NPAS2: variants seen among roughly 807,000 people sequenced by gnomAD.
NPAS2 encodes neuronal PAS domain protein 2.
In NPAS2, 23 loss-of-function variants were observed where a neutral mutation model predicts 107.5. The observed-to-expected ratio is 0.21, with a 90% confidence interval of 0.15 to 0.30. The LOEUF (loss-of-function observed/expected upper bound fraction) is 0.30. Among genes scored for constraint, NPAS2 ranks in the 10% least tolerant of loss-of-function variants. NPAS2 has a pLI of 1.00. For synonymous variants in NPAS2, 403 were observed against 417.5 expected, an observed-to-expected ratio of 0.97 and a Z score of 0.42; for missense variants, 756 against 1,043.3, an observed-to-expected ratio of 0.72 and a Z score of 3.79.
rs1678040199 is a variant in NPAS2 at position 100,990,377 on chromosome 2, C to T, written c.1949C>T (p.Pro650Leu). The T allele has an allele frequency of 1.9e-6, 3 of 1,614,242 alleles. No individual in the cohort carries two copies. The highest frequency in any genetic ancestry group is 2.5e-6 in the Non-Finnish European group (3 of 1,180,048). ...CCGCCAAGTCTGAATCTGACCACAC[C>T]TGCTTCCACCTCCCAGGATGCCAGC... ...ALPPSLNLTT[P>L]ASTSQDASQC... The change falls in exon 18 of 21, where the codon CCT (proline) becomes CTT (leucine). Residue 650 changes from proline to leucine, a missense_variant. Coordinates refer to ENST00000335681, the MANE Select transcript of NPAS2 (RefSeq NM_002518.4).
intron 1 of NPAS2, among the ~76,000 whole-genome samples, chr2:100,851,743 C>T (rs1421544833): frequency 6.6e-6 from 1 of 152,166 alleles, no homozygotes; most frequent in Non-Finnish European, 1.5e-5. Context: ...TGGTCCCATG[C>T]CCAGGAATGA....
At position 100,919,348 on chromosome 2, in the gene NPAS2, C is replaced by T. The variant is rs187865096; in HGVS notation, c.33-5798C>T. Among the ~76,000 whole-genome samples, 22 of 152,226 alleles carry T rather than the reference C, an allele frequency of 1.4e-4. No individual in the cohort carries two copies. The Middle Eastern group carries it at 0.01, about 71-fold the overall frequency. ...CCGTGTCCCCGAAGAAAAAGTCAGG[C>T]TCACTGTGTGTTAATTTTAAGGGGA... On this transcript the variant is annotated intron_variant, in intron 2 of 20. Transcript: ENST00000335681.
chr2:100,892,434 C>G (rs575722704), intron 1 of NPAS2, among the ~76,000 whole-genome samples: 2 of 152,086 alleles, frequency 1.3e-5, no homozygotes, highest in South Asian at 4.2e-4. Flanking sequence ...TTTTTAGACA[C>G]TCATGGTAGC....
At chr2:100,850,807 G>T (rs1191986406) in intron 1 of NPAS2, among the ~76,000 whole-genome samples, 3 of 151,842 alleles carry the variant, frequency 2.0e-5, no homozygotes, top group Admixed American at 6.6e-5. Context: ...ACAAAAATTA[G>T]CCAGGCATGG....
chr2:100,834,346 C>T (rs1676928652), intron 1 of NPAS2, among the ~76,000 whole-genome samples: 1 of 152,232 alleles, frequency 6.6e-6, no homozygotes, highest in South Asian at 2.1e-4. Flanking sequence ...TCTCCACAAT[C>T]TGCTCTCTGC....
At chr2:100,896,764 G>A (rs1277840907) in intron 1 of NPAS2, among the ~76,000 whole-genome samples, 2 of 152,146 alleles carry the variant, frequency 1.3e-5, no homozygotes, top group Non-Finnish European at 2.9e-5. Flanking sequence ...TGAATGTCAG[G>A]TAGTGGCACA....
chr2:100,979,502 A>ATATATATTTT (rs1403246843), intron 15 of NPAS2, among the ~76,000 whole-genome samples: 3 of 43,332 alleles, frequency 6.9e-5, no homozygotes, highest in Admixed American at 3.0e-4. Flanking sequence ...ATATATATAT[A>ATATATATTTT]TTTTTTTTTT....
chr2:100,838,061 T>C (rs1309199437), intron 1 of NPAS2, among the ~76,000 whole-genome samples: 1 of 152,158 alleles, frequency 6.6e-6, no homozygotes, highest in African/African-American at 2.4e-5. Context: ...TTTCTTGCCC[T>C]ACCTGTCTTT....
chr2:100,910,022 C>CT (rs1206595965), intron 2 of NPAS2, among the ~76,000 whole-genome samples: 1 of 152,110 alleles, frequency 6.6e-6, no homozygotes, highest in Non-Finnish European at 1.5e-5. Flanking sequence ...AGCGTGGTGT[C>CT]TGGCAGGCTT....
At chr2:100,886,539 T>C (rs151002060) in intron 1 of NPAS2, among the ~76,000 whole-genome samples, 1 of 152,336 alleles carries the variant, frequency 6.6e-6, no homozygotes, top group Non-Finnish European at 1.5e-5. Flanking sequence ...TTGAGTTTTA[T>C]GCTGTCCCAC....
intron 5 of NPAS2, among the ~76,000 whole-genome samples, chr2:100,938,541 T>TCCTCCCTCCCTCCCTCCCTC (rs1267256959): frequency 8.3e-5 from 4 of 48,128 alleles, no homozygotes; most frequent in Non-Finnish European, 1.5e-4. Flanking sequence ...TCTTATTCCC[T>TCCTCCCTCCCTCCCTCCCTC]CCTCCCTCCC....
chr2:100,902,177 C>G (rs1055860689), intron 1 of NPAS2, among the ~76,000 whole-genome samples: 2 of 152,170 alleles, frequency 1.3e-5, no homozygotes, highest in African/African-American at 4.8e-5. Flanking sequence ...AACCTGACCT[C>G]AGAGGACTGC....
At chr2:100,995,099 T>C in intron 20 of NPAS2, 1 of 383,440 alleles carries the variant, frequency 2.6e-6, no homozygotes, top group African/African-American at 2.0e-5. Context: ...ATGTAGATCA[T>C]GTGCACGTGT....
At chr2:100,984,015 T>C (rs1228528346) in intron 16 of NPAS2, 2 of 152,248 alleles carry the variant, frequency 1.3e-5, no homozygotes, top group African/African-American at 4.8e-5. Context: ...GGTTATCGCT[T>C]TCACTCCTGT....
chr2:100,888,878 G>A (rs1377940881), intron 1 of NPAS2, among the ~76,000 whole-genome samples: 1 of 152,134 alleles, frequency 6.6e-6, no homozygotes, highest in Non-Finnish European at 1.5e-5. Context: ...GAGGAATCGG[G>A]CCAGTGGGTG....
chr2:100,920,705 A>G (rs1683167355), intron 2 of NPAS2, among the ~76,000 whole-genome samples: 2 of 152,208 alleles, frequency 1.3e-5, no homozygotes, highest in Admixed American at 6.5e-5. Flanking sequence ...AGGTGAATGG[A>G]AAAAGGAATG....
At chr2:100,820,056 G>C (rs1182322965), upstream of NPAS2, 1 of 151,086 alleles carries the variant, frequency 6.6e-6, no homozygotes, top group Non-Finnish European at 1.5e-5. The surrounding 1 kb of genome is among the most constrained non-coding windows in gnomAD (Gnocchi z 5.6). Context: ...GTGGGGGTAG[G>C]AGGGGGAGGT....
chr2:100,920,906 C>T (rs890529165), intron 2 of NPAS2, among the ~76,000 whole-genome samples: 5 of 152,224 alleles, frequency 3.3e-5, no homozygotes, highest in Non-Finnish European at 7.3e-5. Context: ...AAGGCCACTC[C>T]TCCTAGGAGC....
At chr2:100,831,252 C>T (rs914481953) in intron 1 of NPAS2, among the ~76,000 whole-genome samples, 18 of 151,962 alleles carry the variant, frequency 1.2e-4, no homozygotes, top group African/African-American at 2.9e-4. Context: ...ACTGAGATTG[C>T]GCCATTGCAC....
Sources: gnomAD v4.1 joint callset for allele counts (sites outside exome capture counted in the v4.1 genomes callset) on GRCh38, gnomAD v4.1.1 for gene constraint, Gnocchi (gnomAD v3.1) non-coding constraint, MANE v1.5 for transcripts, NCBI Gene and HGNC (gene_info 2026-07-23, HGNC 2026-07-21) for gene names.